CHLSN: variants seen among roughly 807,000 people sequenced by gnomAD.
CHLSN encodes protein cholesin.
At chr7:1,030,734 G>A in the CHLSN span, among the ~76,000 whole-genome samples, 1 of 86,504 alleles carries the variant, frequency 1.2e-5, no homozygotes, top group Admixed American at 1.1e-4. Context: ...GGGGCAGGGG[G>A]GGACTCTCTC....
At chr7:1,113,106 C>G in the CHLSN span, among the ~76,000 whole-genome samples, 1 of 152,084 alleles carries the variant, frequency 6.6e-6, no homozygotes, top group East Asian at 1.9e-4. Context: ...AGGGCGCACA[C>G]ACACGCACAC....
the CHLSN span, among the ~76,000 whole-genome samples, chr7:1,054,639 T>C: frequency 1.3e-5 from 2 of 152,200 alleles, no homozygotes; most frequent in Admixed American, 1.3e-4. Context: ...GGGCAGGCAT[T>C]AGCAGTCCAG....
the CHLSN span, among the ~76,000 whole-genome samples, chr7:1,103,154 C>A: frequency 2.8e-4 from 43 of 152,304 alleles, no homozygotes; most frequent in Middle Eastern, 3.4e-3. Flanking sequence ...CACACATAAA[C>A]GGTGTGGAAC....
At chr7:1,030,732 GGGGGACTCTCTCTCTCTCCCGGGGCACGC>G in the CHLSN span, among the ~76,000 whole-genome samples, 190 of 88,192 alleles carry the variant, frequency 2.2e-3, no homozygotes, top group African/African-American at 0.014. Flanking sequence ...CCGGGGCAGG[GGGGGACTCTCTCTCTCTCCCGGGGCACGC>G]GGGGACTCTC....
chr7:1,123,008 C>T, the CHLSN span, among the ~76,000 whole-genome samples: 1 of 152,208 alleles, frequency 6.6e-6, no homozygotes, highest in Non-Finnish European at 1.5e-5. This position sits in a 1 kb window ranked among gnomAD's most constrained non-coding sequence, Gnocchi z 4.4. Context: ...ACAAGCCGCC[C>T]ACCTCCCCAG....
the CHLSN span, chr7:1,009,928 C>T: frequency 2.6e-6 from 4 of 1,516,980 alleles, no homozygotes; most frequent in Non-Finnish European, 1.8e-6. Flanking sequence ...GGGACAGAAC[C>T]GCGTGGGGCA....
chr7:1,033,285 C>T, the CHLSN span, among the ~76,000 whole-genome samples: 2 of 152,214 alleles, frequency 1.3e-5, no homozygotes, highest in Non-Finnish European at 2.9e-5. Flanking sequence ...GGGCCGGGCG[C>T]AGTGGCTCAC....
At chr7:1,030,041 G>T in the CHLSN span, among the ~76,000 whole-genome samples, 1 of 152,218 alleles carries the variant, frequency 6.6e-6, no homozygotes, top group Non-Finnish European at 1.5e-5. Context: ...AGAGAAGGAA[G>T]TGTGTGCTCA....
At chr7:1,008,742 C>A in the CHLSN span, among the ~76,000 whole-genome samples, 1 of 152,130 alleles carries the variant, frequency 6.6e-6, no homozygotes, top group African/African-American at 2.4e-5. Context: ...ACACACATGT[C>A]CACACATAAA....
chr7:1,040,186 A>G, the CHLSN span, among the ~76,000 whole-genome samples: 2 of 59,492 alleles, frequency 3.4e-5, no homozygotes, highest in African/African-American at 6.0e-5. Context: ...ATAAATTTAA[A>G]AAAAAAAAAA....
chr7:1,019,232 G>T, the CHLSN span, among the ~76,000 whole-genome samples: 11 of 149,488 alleles, frequency 7.4e-5, no homozygotes, highest in African/African-American at 2.7e-4. Flanking sequence ...GGAGTGAAAG[G>T]GAGGGAGGAA....
the CHLSN span, among the ~76,000 whole-genome samples, chr7:1,070,844 G>A: frequency 0.13 from 17,011 of 128,340 alleles, 1,097 homozygotes; most frequent in Middle Eastern, 0.32. Flanking sequence ...CACACAACGC[G>A]TGCACACGGA....
the CHLSN span, among the ~76,000 whole-genome samples, chr7:1,136,391 T>TATAAAC: frequency 3.5e-5 from 1 of 28,762 alleles, no homozygotes; most frequent in African/African-American, 3.0e-4. Context: ...TATATAAACA[T>TATAAAC]ATATATAAAT....
the CHLSN span, among the ~76,000 whole-genome samples, chr7:1,105,681 C>G: frequency 1.3e-5 from 2 of 152,210 alleles, no homozygotes; most frequent in African/African-American, 4.8e-5. Context: ...GCGGTGTGAT[C>G]TCGGCTCACT....
chr7:1,127,509 C>T, the CHLSN span: 2 of 972,174 alleles, frequency 2.1e-6, no homozygotes, highest in Non-Finnish European at 2.9e-6. Context: ...TTATGGAAAA[C>T]ATATAAAAGT....
the CHLSN span, among the ~76,000 whole-genome samples, chr7:1,021,961 C>T: frequency 2.4e-4 from 37 of 152,270 alleles, no homozygotes; most frequent in South Asian, 3.9e-3. Context: ...CGATCCTCCG[C>T]GGGGGTGGCA....
chr7:997,435 TGGAGGAG>T, the CHLSN span: 1 of 539,608 alleles, frequency 1.9e-6, no homozygotes, highest in South Asian at 2.7e-5. Flanking sequence ...AAGGAGGGTC[TGGAGGAG>T]GGAAGGGGCC....
the CHLSN span, among the ~76,000 whole-genome samples, chr7:1,009,527 C>T: frequency 1.3e-5 from 2 of 152,316 alleles, no homozygotes; most frequent in African/African-American, 4.8e-5. Context: ...CCCAGCACCC[C>T]ACAATCCCCG....
the CHLSN span, among the ~76,000 whole-genome samples, chr7:1,011,400 G>T: frequency 2.2e-5 from 3 of 134,236 alleles, no homozygotes; most frequent in South Asian, 7.3e-4. Context: ...GACACCCACA[G>T]ATACCCAAAC....
Sources: gnomAD v4.1 joint callset for allele counts (sites outside exome capture counted in the v4.1 genomes callset) on GRCh38, gnomAD v4.1.1 for gene constraint, Gnocchi (gnomAD v3.1) non-coding constraint, MANE v1.5 for transcripts, NCBI Gene and HGNC (gene_info 2026-07-23, HGNC 2026-07-21) for gene names.